RNGTT: variants seen among roughly 807,000 people sequenced by gnomAD.
The protein encoded by RNGTT is RNA guanylyltransferase and 5'-phosphatase.
A neutral mutation model predicts 79.3 loss-of-function variants in RNGTT; 33 were observed. The ratio of observed to expected loss-of-function variants is 0.42; its 90% CI spans 0.32 to 0.56. The LOEUF (loss-of-function observed/expected upper bound fraction) is 0.56. Among genes scored for constraint, RNGTT ranks in the 20% least tolerant of loss-of-function variants. The pLI, the probability that RNGTT is intolerant of heterozygous loss-of-function variation, is 0.17. For missense variants in RNGTT, 497 were observed against 739.1 expected, an observed-to-expected ratio of 0.67 and a Z score of 3.80; for synonymous variants, 222 against 235.9, an observed-to-expected ratio of 0.94 and a Z score of 0.54.
intron 14 of RNGTT, among the ~76,000 whole-genome samples, chr6:88,658,307 A>G (rs1774057617): frequency 1.3e-5 from 2 of 152,220 alleles, no homozygotes; most frequent in South Asian, 4.1e-4. Flanking sequence ...CCAGCACACT[A>G]AACAAAACAA....
chr6:88,921,427 A>G (rs1242665506), intron 4 of RNGTT, among the ~76,000 whole-genome samples: 1 of 152,198 alleles, frequency 6.6e-6, no homozygotes, highest in East Asian at 1.9e-4. Context: ...GCTGTGGGCT[A>G]ATGCTGTAGG....
intron 4 of RNGTT, among the ~76,000 whole-genome samples, chr6:88,922,809 A>G (rs1439786378): frequency 6.6e-6 from 1 of 152,146 alleles, no homozygotes; most frequent in East Asian, 1.9e-4. Context: ...GATAAAGTTA[A>G]TGTTTCAAAC....
chr6:88,770,892 T>C (rs1292370936), intron 12 of RNGTT, among the ~76,000 whole-genome samples: 2 of 152,160 alleles, frequency 1.3e-5, no homozygotes, highest in Non-Finnish European at 2.9e-5. Flanking sequence ...TTTATTGCTA[T>C]CTGTATACCT....
chr6:88,833,443 GGATA>G (rs1360906286), intron 11 of RNGTT, among the ~76,000 whole-genome samples: 1 of 152,132 alleles, frequency 6.6e-6, no homozygotes, highest in Non-Finnish European at 1.5e-5. Context: ...GCTATGGGAG[GGATA>G]GCATTAGGAG....
intron 14 of RNGTT, among the ~76,000 whole-genome samples, chr6:88,654,252 C>T (rs1290555311): frequency 6.6e-6 from 1 of 152,138 alleles, no homozygotes; most frequent in Non-Finnish European, 1.5e-5. Flanking sequence ...AATACTTCAT[C>T]TTTTATTACT....
At chr6:88,810,922 G>A (rs1041740038) in intron 11 of RNGTT, among the ~76,000 whole-genome samples, 6 of 152,196 alleles carry the variant, frequency 3.9e-5, no homozygotes, top group Non-Finnish European at 8.8e-5. Context: ...AATGGGATAT[G>A]AGGACCCAAT....
chr6:88,938,652 T>C (rs978039380), intron 2 of RNGTT, among the ~76,000 whole-genome samples: 11 of 152,224 alleles, frequency 7.2e-5, no homozygotes, highest in African/African-American at 2.4e-4. Context: ...TGGTATTGTG[T>C]AGTGGTAACA....
chr6:88,683,833 A>G (rs1473187937), intron 13 of RNGTT, among the ~76,000 whole-genome samples: 2 of 152,034 alleles, frequency 1.3e-5, no homozygotes, highest in African/African-American at 4.8e-5. Flanking sequence ...TGGGCAACAT[A>G]GCAAGACTTC....
At chr6:88,707,710 T>C (rs980046565) in intron 13 of RNGTT, among the ~76,000 whole-genome samples, 6 of 142,194 alleles carry the variant, frequency 4.2e-5, no homozygotes, top group South Asian at 2.3e-4. Flanking sequence ...GCACACTTCA[T>C]AGCTTCCCTA....
chr6:88,931,187 TAAA>T (rs34070183), intron 2 of RNGTT, among the ~76,000 whole-genome samples: 5 of 101,936 alleles, frequency 4.9e-5, no homozygotes, highest in East Asian at 2.8e-4. Flanking sequence ...TATAAAGCTG[TAAA>T]AAAAAAAAAA....
chr6:88,626,533 C>A (rs955101463), intron 14 of RNGTT, among the ~76,000 whole-genome samples: 2 of 151,988 alleles, frequency 1.3e-5, no homozygotes, highest in African/African-American at 4.8e-5. Flanking sequence ...GGCAGAAGGG[C>A]ATAATACATT....
At chr6:88,891,027 C>A (rs897923943) in intron 7 of RNGTT, among the ~76,000 whole-genome samples, 3 of 151,946 alleles carry the variant, frequency 2.0e-5, no homozygotes. Flanking sequence ...CAAAAGATAC[C>A]CAGAAGTGAC....
At chr6:88,884,034 C>CAAACTGCCTGTGGGA (rs2127929666) in intron 8 of RNGTT, among the ~76,000 whole-genome samples, 2 of 152,316 alleles carry the variant, frequency 1.3e-5, no homozygotes, top group East Asian at 3.9e-4. Context: ...GGCATTCTCA[C>CAAACTGCCTGTGGGA]AAACTGCCTG....
At chr6:88,644,936 C>T (rs1037323391) in intron 14 of RNGTT, among the ~76,000 whole-genome samples, 5 of 152,146 alleles carry the variant, frequency 3.3e-5, no homozygotes, top group Non-Finnish European at 5.9e-5. Flanking sequence ...CCTTTGAAAA[C>T]TGGCACAAGA....
chr6:88,625,227 A>G (rs1384280243), intron 14 of RNGTT, among the ~76,000 whole-genome samples: 1 of 151,940 alleles, frequency 6.6e-6, no homozygotes, highest in Non-Finnish European at 1.5e-5. Context: ...TTACTCCTAG[A>G]TATTTTACCC....
intron 2 of RNGTT, 143 bp from the exon 3 acceptor site, chr6:88,929,410 T>C: frequency 5.4e-6 from 3 of 558,436 alleles, no homozygotes; most frequent in Non-Finnish European, 9.6e-6. Flanking sequence ...CAATTGATAA[T>C]AAAAGTATCA....
At chr6:88,699,676 A>G (rs759484485) in intron 13 of RNGTT, among the ~76,000 whole-genome samples, 5 of 152,110 alleles carry the variant, frequency 3.3e-5, no homozygotes, top group Non-Finnish European at 7.4e-5. Context: ...ACAAACAAAC[A>G]AAAAAACACA....
intron 14 of RNGTT, among the ~76,000 whole-genome samples, chr6:88,641,095 C>T (rs942362809): frequency 6.6e-6 from 1 of 152,094 alleles, no homozygotes; most frequent in African/African-American, 2.4e-5. Flanking sequence ...AATCCCAGTA[C>T]TTTGGGAGGC....
chr6:88,813,041 A>G (rs917926144), intron 11 of RNGTT, among the ~76,000 whole-genome samples: 3 of 152,182 alleles, frequency 2.0e-5, no homozygotes, highest in African/African-American at 7.2e-5. Context: ...CTTATTTTTA[A>G]ACTATGCCCT....
Sources: allele counts gnomAD v4.1 joint callset (sites outside exome capture counted in the v4.1 genomes callset), GRCh38; gene constraint gnomAD v4.1.1; transcripts MANE v1.5; gene names NCBI Gene and HGNC (gene_info 2026-07-23, HGNC 2026-07-21).